Variants in DLEU7 observed in about 807,000 individuals in gnomAD.
The protein encoded by DLEU7 is deleted in lymphocytic leukemia 7, also known as leukemia-associated protein 7.
In DLEU7, 17 loss-of-function variants were observed where a neutral mutation model predicts 16.0. The ratio of observed to expected loss-of-function variants is 1.06; its 90% CI spans 0.73 to 1.59. DLEU7 has a LOEUF of 1.59. Among genes scored for constraint, DLEU7 ranks in the 40% most tolerant of loss-of-function variants. The pLI is 0.00. For missense variants in DLEU7, 308 were observed against 314.9 expected, an observed-to-expected ratio of 0.98 and a Z score of 0.17; for synonymous variants, 113 against 139.8, an observed-to-expected ratio of 0.81 and a Z score of 1.35.
chr13:50,716,539 A>G (rs924557363), intron 1 of DLEU7, among the ~76,000 whole-genome samples: 3 of 152,252 alleles, frequency 2.0e-5, no homozygotes, highest in Non-Finnish European at 4.4e-5. Context: ...CGGAAAGAGC[A>G]TTAGACTAGT....
At chr13:50,739,003 ACG>A (rs1190802000) in intron 1 of DLEU7, among the ~76,000 whole-genome samples, 39 of 87,128 alleles carry the variant, frequency 4.5e-4, no homozygotes, top group Middle Eastern at 4.4e-3. Context: ...ACACACACAC[ACG>A]CACACACACA....
chr13:50,758,025 A>ATTT lies in DLEU7; in HGVS notation c.460-44788_460-44786dup, dbSNP rs5803530. On this transcript the variant is annotated intron_variant, in intron 1 of 1. Coordinates refer to the DLEU7 transcript ENST00000400393. ...CCCCAGTATTATTTTCATTACCAAG[A>ATTT]TTTTTTTTTTTTTTTTTTTTTTTTT... Among the ~76,000 whole-genome samples the ATTT allele has an allele frequency of 3.9e-3, 345 of 89,096 alleles. 8 individuals carry two copies. Among genetic ancestry groups the ATTT allele is most frequent in the African/African-American group, 0.011 (225 of 19,978 alleles). 58.5% of individuals were successfully genotyped at this position (89,096 alleles called of 152,430 possible). A position where few individuals can be genotyped will look rare whatever the true frequency, so the allele number is the denominator to read the frequency against.
At chr13:50,816,170 C>A (rs1000953623) in intron 1 of DLEU7, among the ~76,000 whole-genome samples, 1 of 151,950 alleles carries the variant, frequency 6.6e-6, no homozygotes, top group African/African-American at 2.4e-5. Context: ...TATGACTGTT[C>A]TTTTATACAT....
chr13:50,774,304 C>G (rs990830815), intron 1 of DLEU7, among the ~76,000 whole-genome samples: 7 of 152,148 alleles, frequency 4.6e-5, no homozygotes, highest in African/African-American at 1.7e-4. Context: ...GTGAGATGAA[C>G]CAGCTACTAC....
chr13:50,769,769 G>A (rs1403176807), intron 1 of DLEU7, among the ~76,000 whole-genome samples: 1 of 152,168 alleles, frequency 6.6e-6, no homozygotes, highest in Non-Finnish European at 1.5e-5. Flanking sequence ...TAGCAATGCG[G>A]GCTCTTTTTT....
At chr13:50,811,993 C>G (rs894869764) in intron 1 of DLEU7, among the ~76,000 whole-genome samples, 1 of 149,890 alleles carries the variant, frequency 6.7e-6, no homozygotes, top group African/African-American at 2.5e-5. Context: ...TCACTTGAAC[C>G]CAGGAGGCAG....
chr13:50,843,742 C>T (rs1877774797), upstream of DLEU7: 3 of 1,434,400 alleles, frequency 2.1e-6, no homozygotes, highest in East Asian at 3.0e-5. The surrounding 1 kb of genome is among the most constrained non-coding windows in gnomAD (Gnocchi z 5.7). Flanking sequence ...TTTTCTAACC[C>T]GCGGCTCCTC....
chr13:50,731,582 T>C (rs1019693240), intron 1 of DLEU7, among the ~76,000 whole-genome samples: 2 of 152,206 alleles, frequency 1.3e-5, no homozygotes, highest in African/African-American at 4.8e-5. Context: ...CTGCAGGAAG[T>C]GAGCTTTCTT....
chr13:50,792,579 C>T (rs572387), intron 1 of DLEU7, among the ~76,000 whole-genome samples: 1 of 152,064 alleles, frequency 6.6e-6, no homozygotes, highest in African/African-American at 2.4e-5. Flanking sequence ...TCTACTATCT[C>T]TTCTTCTCTA....
chr13:50,811,107 A>G (rs1448144391), intron 1 of DLEU7, among the ~76,000 whole-genome samples: 1 of 152,160 alleles, frequency 6.6e-6, no homozygotes, highest in Non-Finnish European at 1.5e-5. Context: ...GGAAGCACCT[A>G]CCAGGGAGAG....
At chr13:50,770,173 C>T (rs1415699252) in intron 1 of DLEU7, among the ~76,000 whole-genome samples, 1 of 152,042 alleles carries the variant, frequency 6.6e-6, no homozygotes, top group Non-Finnish European at 1.5e-5. Context: ...GATTTGGAGC[C>T]AAGACGATGG....
intron 1 of DLEU7, among the ~76,000 whole-genome samples, chr13:50,817,189 T>G (rs886696631): frequency 6.6e-6 from 1 of 152,186 alleles, no homozygotes; most frequent in Non-Finnish European, 1.5e-5. Context: ...AACAAATTAT[T>G]GGTACTTCTG....
At chr13:50,821,604 G>C (rs961832116), downstream of DLEU7, among the ~76,000 whole-genome samples, 9 of 152,046 alleles carry the variant, frequency 5.9e-5, no homozygotes, top group African/African-American at 1.9e-4. Context: ...TGGAGGGGGT[G>C]GTGGGTAAGT....
intron 1 of DLEU7, among the ~76,000 whole-genome samples, chr13:50,764,414 A>G (rs1409914258): frequency 6.6e-6 from 1 of 152,160 alleles, no homozygotes; most frequent in Non-Finnish European, 1.5e-5. Context: ...TCTTCCTCCC[A>G]TTTCCAGGAG....
In DLEU7 at chr13:50,823,413, G is replaced by A; in HGVS notation, c.567C>T (p.Val189=). 6.5e-7 allele frequency: 1 copy of A among 1,535,876 alleles called. No homozygotes were observed. The highest frequency in any genetic ancestry group is 8.7e-7 in the Non-Finnish European group (1 of 1,146,720). ...NAAHQCLKTI[V]KKLIQSLANF... ...TAGCAAGTGACTGAATCAGCTTCTT[G>A]ACTATTGTCTTCAAACACTGGTGGG... Residue 189 remains valine (V), a synonymous_variant, in exon 2 of 2, where the codon GTC becomes GTT. Coordinates refer to ENST00000504404, the MANE Select transcript of DLEU7 (RefSeq NM_001306135.2).
chr13:50,729,471 T>C (rs1030099547), intron 1 of DLEU7, among the ~76,000 whole-genome samples: 1 of 152,248 alleles, frequency 6.6e-6, no homozygotes, highest in African/African-American at 2.4e-5. Flanking sequence ...TTTGCTATTG[T>C]GAACAGTGCC....
At chr13:50,823,563 T>C (rs1310227211) in intron 1 of DLEU7, 43 bp from the exon 2 acceptor site, 3 of 1,529,352 alleles carry the variant, frequency 2.0e-6, no homozygotes, top group Non-Finnish European at 2.6e-6. Context: ...AGATAGGTTA[T>C]GGGGGCCAAT....
chr13:50,779,219 C>T (rs377428935), intron 1 of DLEU7, among the ~76,000 whole-genome samples: 8 of 152,148 alleles, frequency 5.3e-5, no homozygotes, highest in Non-Finnish European at 7.3e-5. Flanking sequence ...AATTAAGATT[C>T]GGAATCTCCC....
chr13:50,825,534 C>T (rs1034803376), intron 1 of DLEU7, among the ~76,000 whole-genome samples: 6 of 152,048 alleles, frequency 3.9e-5, no homozygotes, highest in Admixed American at 3.9e-4. Context: ...TGGATACTGT[C>T]AGGTATAGTT....
Sources: allele counts gnomAD v4.1 joint callset (sites outside exome capture counted in the v4.1 genomes callset), GRCh38; gene constraint gnomAD v4.1.1; non-coding constraint Gnocchi (gnomAD v3.1); transcripts MANE v1.5; gene names NCBI Gene and HGNC (gene_info 2026-07-23, HGNC 2026-07-21).